CHD9: variants seen among roughly 807,000 people sequenced by gnomAD.
CHD9 encodes the protein ATP-dependent chromatin remodeler CHD9.
CHD9 carries 77 observed loss-of-function variants against 316.1 expected under a neutral mutation model. That is an observed-to-expected ratio of 0.24 (90% CI 0.20 to 0.29). CHD9 has a LOEUF of 0.29. CHD9 is among the 10% of genes least tolerant of loss of function. The probability of loss-of-function intolerance (pLI) is 1.00; values close to 1 mark genes in which losing one functional copy is unlikely to be tolerated. For missense variants in CHD9, 2,763 were observed against 3,438.1 expected (o/e 0.80, Z 4.91); for synonymous variants, 1,129 against 1,158.3 (o/e 0.97, Z 0.51).
intron 11 of CHD9, 141 bp from the exon 12 acceptor site, chr16:53,238,202 G>A: frequency 1.4e-6 from 1 of 701,954 alleles, no homozygotes; most frequent in Non-Finnish European, 2.2e-6. Context: ...GTAATCTTAA[G>A]CCTACCCTGC....
chr16:53,310,928 C>T (rs1227660244), intron 34 of CHD9: 1 of 150,696 alleles, frequency 6.6e-6, no homozygotes, highest in African/African-American at 2.4e-5. Flanking sequence ...GGCTCACACC[C>T]GTAATCCCAG....
Position 53,303,847 on chromosome 16 carries a change from C to G in CHD9, c.5841C>G (p.Arg1947=). Residue 1947 remains arginine (R), a synonymous_variant, in exon 31 of 39, where the codon CGC becomes CGG. Transcript: ENST00000447540. The part of the protein sequence containing the change: ...QALRHPQLFE[R]LKLCHPNPDL... ...TTCGACATCCACAGTTGTTTGAACG[C>G]TTGAAGCTTTGCCATCCAAATCCAG... The G allele has an allele frequency of 1.9e-6, 3 of 1,614,006 alleles. No individual in the cohort carries two copies. Among genetic ancestry groups the G allele is most frequent in the Middle Eastern group, 1.6e-4 (1 of 6,062 alleles).
Position 53,059,967 on chromosome 16 carries a change from A to G in CHD9, c.-165+4890A>G, listed in dbSNP as rs1278164700. Among the ~76,000 whole-genome samples the G allele has an allele frequency of 2.0e-5, 3 of 152,218 alleles. No homozygotes were observed. In the East Asian group the frequency reaches 5.8e-4, roughly 29 times the overall value. On this transcript the variant is annotated intron_variant, in intron 1 of 38. Coordinates refer to ENST00000447540, the MANE Select transcript of CHD9 (RefSeq NM_001308319.2). ...TATATCTGGGTTCCAATAAAGCTTT[A>G]TGGACACTGAAGTTTTGAATTTCAC...
chr16:53,253,927 A>G (rs1208321511), intron 17 of CHD9, among the ~76,000 whole-genome samples: 1 of 152,238 alleles, frequency 6.6e-6, no homozygotes, highest in East Asian at 1.9e-4. Context: ...CTGTAATCCC[A>G]GCACTTTGGG....
chr16:53,312,103 A>G (rs1465801599), intron 34 of CHD9: 2 of 152,220 alleles, frequency 1.3e-5, no homozygotes, highest in African/African-American at 4.8e-5. Flanking sequence ...GTCAAATAGA[A>G]TATGTTTGTA....
intron 7 of CHD9, among the ~76,000 whole-genome samples, chr16:53,228,354 G>GTT (rs945218104): frequency 2.0e-5 from 3 of 147,850 alleles, no homozygotes; most frequent in African/African-American, 5.0e-5. Context: ...AAAAAAAAAA[G>GTT]TTTTTTTTTT....
chr16:53,096,925 C>T (rs1292965360), intron 1 of CHD9, among the ~76,000 whole-genome samples: 1 of 151,774 alleles, frequency 6.6e-6, no homozygotes, highest in Non-Finnish European at 1.5e-5. Flanking sequence ...GCCATCAGTC[C>T]CCACCCATTA....
chr16:53,157,721 C>G (rs1248653103), intron 2 of CHD9, among the ~76,000 whole-genome samples, 180 bp downstream of exon 2: 1 of 152,108 alleles, frequency 6.6e-6, no homozygotes, highest in Non-Finnish European at 1.5e-5. Flanking sequence ...AAGTGATTCA[C>G]TGATATGCTC....
intron 1 of CHD9, among the ~76,000 whole-genome samples, chr16:53,068,817 T>C (rs2033753412): frequency 6.6e-6 from 1 of 152,188 alleles, no homozygotes; most frequent in East Asian, 1.9e-4. Context: ...GGAAATGCCA[T>C]ATCCTGAATG....
At chr16:53,146,757 C>T (rs2040659622) in intron 1 of CHD9, among the ~76,000 whole-genome samples, 1 of 150,424 alleles carries the variant, frequency 6.6e-6, no homozygotes, top group African/African-American at 2.5e-5. Context: ...CGAGATCGTA[C>T]CACTGCACTC....
At chr16:53,122,903 A>G (rs551857677) in intron 1 of CHD9, among the ~76,000 whole-genome samples, 91 of 146,458 alleles carry the variant, frequency 6.2e-4, no homozygotes, top group African/African-American at 2.1e-3. Flanking sequence ...TTTTTAGTAG[A>G]TAACAGGGTT....
intron 2 of CHD9, among the ~76,000 whole-genome samples, chr16:53,164,206 A>G (rs1476518145): frequency 2.6e-5 from 4 of 152,198 alleles, no homozygotes; most frequent in African/African-American, 9.6e-5. Context: ...CATGCCTCTC[A>G]TGTTTTCTGG....
At chr16:53,252,319 C>T (rs2152970957) in intron 17 of CHD9, among the ~76,000 whole-genome samples, 1 of 152,236 alleles carries the variant, frequency 6.6e-6, no homozygotes, top group African/African-American at 2.4e-5. Context: ...CGCTATTCAA[C>T]AAATGGTGCT....
rs1442116406 is a variant in CHD9 at position 53,325,363 on chromosome 16, AATT to A, written c.*470_*472del. On this transcript the variant is annotated 3_prime_UTR_variant, in exon 39 of 39. Coordinates refer to ENST00000447540, the MANE Select transcript of CHD9 (RefSeq NM_001308319.2). ...AATCTACATCACCATCCATTGCTTTAATTACATGAAAATGCTCTAGTGTTGTGA... is the reference window on the plus strand; with the variant it reads ...AATCTACATCACCATCCATTGCTTTAACATGAAAATGCTCTAGTGTTGTGA... 1.3e-5 allele frequency: 2 copies of A among 153,776 alleles called. No individual in the cohort carries two copies. Among genetic ancestry groups the A allele is most frequent in the Non-Finnish European group, 2.9e-5 (2 of 68,882 alleles). The allele number at this position is 153,776 out of a possible 1,614,324, so 9.5% of individuals were successfully genotyped here. A position where few individuals can be genotyped will look rare whatever the true frequency, so the allele number is the denominator to read the frequency against.
chr16:53,076,933 G>A (rs1478642855), intron 1 of CHD9, among the ~76,000 whole-genome samples: 1 of 151,990 alleles, frequency 6.6e-6, no homozygotes, highest in African/African-American at 2.4e-5. Context: ...TCCCACCTCA[G>A]CCTCCTGAGT....
At chr16:53,226,648 T>G in intron 5 of CHD9, 136 bp downstream of exon 5, 1 of 951,786 alleles carries the variant, frequency 1.1e-6, no homozygotes, top group Non-Finnish European at 1.5e-6. Flanking sequence ...ATTGAGTCAT[T>G]CAAATTAGAA....
At chr16:53,193,987 G>T (rs143258961) in intron 2 of CHD9, among the ~76,000 whole-genome samples, 328 of 152,272 alleles carry the variant, frequency 2.2e-3, no homozygotes, top group African/African-American at 7.5e-3. Context: ...ATCTAAAAGT[G>T]AATTTTTGAA....
intron 25 of CHD9, 67 bp downstream of exon 25, chr16:53,285,766 C>T (rs1480770509): frequency 1.3e-6 from 1 of 784,506 alleles, no homozygotes; most frequent in Non-Finnish European, 2.1e-6. Context: ...GTTCTCAGTT[C>T]ATTGATTTCC....
In CHD9 at chr16:53,157,925, C is replaced by G. The variant is rs370619541; in HGVS notation, c.1452+384C>G. Among the ~76,000 whole-genome samples the G allele has an allele frequency of 1.2e-4, 19 of 152,070 alleles. 1 individual carries two copies. The highest frequency in any genetic ancestry group is 9.8e-4 in the Admixed American group (15 of 15,276). On this transcript the variant is annotated intron_variant, in intron 2 of 38. Coordinates refer to ENST00000447540, the MANE Select transcript of CHD9 (RefSeq NM_001308319.2). ...ATTGAGTTAATATTCCTATAAAAAG[C>G]TTTATAAATTAGCAAACTTTTAAGA...
Sources: gnomAD v4.1 joint callset for allele counts (sites outside exome capture counted in the v4.1 genomes callset) on GRCh38, gnomAD v4.1.1 for gene constraint, MANE v1.5 for transcripts, NCBI Gene and HGNC (gene_info 2026-07-23, HGNC 2026-07-21) for gene names.